The following NECTIN1 variants were observed in gnomAD, a reference collection of about 807,000 sequenced individuals.
The protein encoded by NECTIN1 is nectin cell adhesion molecule 1.
In NECTIN1, 23 loss-of-function variants were observed where a neutral mutation model predicts 48.0. That is an observed-to-expected ratio of 0.48 (90% CI 0.34 to 0.68). The LOEUF is 0.68. NECTIN1 is among the 30% of genes least tolerant of loss of function. The pLI is 0.01. For missense variants in NECTIN1, 591 were observed against 709.9 expected, an observed-to-expected ratio of 0.83 and a Z score of 1.90; for synonymous variants, 270 against 288.9, an observed-to-expected ratio of 0.93 and a Z score of 0.66.
rs1207540661 is a variant in NECTIN1 at position 119,662,772 on chromosome 11, C to A, written c.*1975G>T. On this transcript the variant is annotated 3_prime_UTR_variant, in exon 6 of 6. Transcript: ENST00000264025. The surrounding 1 kb of genome is among the most constrained non-coding windows in gnomAD (Gnocchi z 5.3). ...GAAAAGCAGCCCAGCTCCTCCACCT[C>A]CCTCTGCCCTGTGGCTGGAAAGACT... The A allele has an allele frequency of 5.1e-6, 5 of 986,554 alleles. No individual in the cohort carries two copies. The highest frequency in any genetic ancestry group is 6.0e-6 in the Non-Finnish European group (5 of 830,532). 61.1% of individuals were successfully genotyped at this position (986,554 alleles called of 1,614,324 possible).
intron 5 of NECTIN1, among the ~76,000 whole-genome samples, chr11:119,650,369 A>G (rs1302035914): frequency 6.6e-6 from 1 of 152,194 alleles, no homozygotes; most frequent in Non-Finnish European, 1.5e-5. Context: ...CTGTTCTACA[A>G]AATCATCTTC....
chr11:119,701,648 G>A (rs1201186603), intron 1 of NECTIN1, among the ~76,000 whole-genome samples: 1 of 152,116 alleles, frequency 6.6e-6, no homozygotes, highest in East Asian at 1.9e-4. Flanking sequence ...TGGCTCTAGG[G>A]GGCATCTGGA....
intron 1 of NECTIN1, among the ~76,000 whole-genome samples, chr11:119,705,044 C>G (rs560649076): frequency 1.3e-5 from 2 of 150,978 alleles, no homozygotes; most frequent in South Asian, 4.2e-4. Context: ...TGTGTAGATG[C>G]CATAAAGCTC....
Position 119,662,049 on chromosome 11 carries a change from G to T in NECTIN1, c.*2698C>A, listed in dbSNP as rs977916458. The T allele has an allele frequency of 6.3e-5, 62 of 985,232 alleles. No homozygotes were observed. The highest frequency in any genetic ancestry group is 7.4e-5 in the Non-Finnish European group (61 of 829,868). The allele number at this position is 985,232 out of a possible 1,614,324, so 61.0% of individuals were successfully genotyped here. On this transcript the variant is annotated 3_prime_UTR_variant, in exon 6 of 6. Transcript: ENST00000264025. This position sits in a 1 kb window ranked among gnomAD's most constrained non-coding sequence, Gnocchi z 5.3. ...TATCAAAATCTGTAAGGAAACAGGG[G>T]CATGGGTGTGGGGTGGGGGGCAAGG...
At chr11:119,707,066 G>A (rs1591479727) in intron 1 of NECTIN1, among the ~76,000 whole-genome samples, 1 of 152,214 alleles carries the variant, frequency 6.6e-6, no homozygotes, top group African/African-American at 2.4e-5. Context: ...GGCAAGGGAA[G>A]TAGGCCCACT....
intron 1 of NECTIN1, 67 bp downstream of exon 1, chr11:119,728,408 C>A: frequency 1.4e-6 from 2 of 1,456,642 alleles, no homozygotes; most frequent in Non-Finnish European, 9.4e-7. Flanking sequence ...GTCGTGCCCG[C>A]CATCCGGCTC....
At chr11:119,651,789 C>T (rs879595278) in intron 5 of NECTIN1, among the ~76,000 whole-genome samples, 1 of 152,170 alleles carries the variant, frequency 6.6e-6, no homozygotes, top group Non-Finnish European at 1.5e-5. Context: ...TGATTCATCA[C>T]TGTCAGGGCT....
At chr11:119,638,688 C>T (rs1317983984) in intron 7 of NECTIN1, 1 of 1,562,556 alleles carries the variant, frequency 6.4e-7, no homozygotes, top group East Asian at 2.3e-5. Flanking sequence ...TTTTCTCCCT[C>T]CCCGCAGTCC....
In NECTIN1 at chr11:119,728,000, G is replaced by T. The variant is rs1304340726; in HGVS notation, c.79+475C>A. 6.6e-6 allele frequency among the ~76,000 whole-genome samples: 1 copy of T among 152,120 alleles called. No homozygotes were observed. Among genetic ancestry groups the T allele is most frequent in the African/African-American group, 2.4e-5 (1 of 41,428 alleles). On this transcript the variant is annotated intron_variant, in intron 1 of 5. Transcript: ENST00000264025. The surrounding 1 kb of genome is among the most constrained non-coding windows in gnomAD (Gnocchi z 4.1). ...GGAGGGGGCCCGAGCGTCCTGAGCC[G>T]TCTGGCAAAGGGGCCGCCGAAAGAG...
At chr11:119,682,131 T>G (rs1013805839) in intron 1 of NECTIN1, among the ~76,000 whole-genome samples, 5 of 152,170 alleles carry the variant, frequency 3.3e-5, no homozygotes, top group Admixed American at 3.3e-4. Flanking sequence ...GTCCAAGGAC[T>G]CAGGGTTGGG....
Position 119,661,390 on chromosome 11 carries a change from C to G in NECTIN1, c.*3357G>C. Reference sequence around the variant, plus strand: ...AGCAGCAGAGGGGCCTGCCTCCTGGCATCCCCGGTACTGGGCAGTGTGTGA... The same window carrying G: ...AGCAGCAGAGGGGCCTGCCTCCTGGGATCCCCGGTACTGGGCAGTGTGTGA... On this transcript the variant is annotated 3_prime_UTR_variant, in exon 6 of 6. Coordinates refer to ENST00000264025, the MANE Select transcript of NECTIN1 (RefSeq NM_002855.5). 1 of 986,364 alleles carries G rather than the reference C, an allele frequency of 1.0e-6. No individual in the cohort carries two copies. Among genetic ancestry groups the G allele is most frequent in the Non-Finnish European group, 1.2e-6 (1 of 830,362 alleles). The allele number at this position is 986,364 out of a possible 1,614,324, so 61.1% of individuals were successfully genotyped here.
chr11:119,674,990 T>C (rs1396628472), intron 5 of NECTIN1, among the ~76,000 whole-genome samples, 169 bp downstream of exon 5: 1 of 151,930 alleles, frequency 6.6e-6, no homozygotes, highest in Non-Finnish European at 1.5e-5. Context: ...CACCCTTTAA[T>C]GAAAGAAAGA....
chr11:119,697,713 G>A (rs1022405161), intron 1 of NECTIN1, among the ~76,000 whole-genome samples: 7 of 152,204 alleles, frequency 4.6e-5, no homozygotes, highest in African/African-American at 1.2e-4. Context: ...TCCAGAACCC[G>A]AACCTGAGTC....
downstream of NECTIN1, chr11:119,659,076 G>A (rs1475873399): frequency 6.6e-6 from 1 of 152,204 alleles, no homozygotes; most frequent in Non-Finnish European, 1.5e-5. Flanking sequence ...TGTCGCTTCA[G>A]ATCCTCCCAA....
At chr11:119,666,821 C>T (rs1341199541) in intron 5 of NECTIN1, among the ~76,000 whole-genome samples, 1 of 152,194 alleles carries the variant, frequency 6.6e-6, no homozygotes, top group South Asian at 2.1e-4. Context: ...TGCTATCCCA[C>T]TCGGCAGGCT....
intron 5 of NECTIN1, chr11:119,640,518 C>T (rs370502387): frequency 2.2e-5 from 4 of 185,854 alleles, no homozygotes; most frequent in South Asian, 1.2e-4. Context: ...GGGTGCCTCC[C>T]GGGAAACCAA....
At position 119,677,131 on chromosome 11, in the gene NECTIN1, G is replaced by T. The variant is rs1310228081; in HGVS notation, c.822C>A (p.Asn274Lys). 4 of 1,614,036 alleles carry T rather than the reference G, an allele frequency of 2.5e-6. No homozygotes were observed. The highest frequency in any genetic ancestry group is 3.4e-6 in the Non-Finnish European group (4 of 1,180,030). ...TCCAGTGGTACTCAGTGGCTGGGGGGTTAGCATCAGCTTTGCAGGTGAGCT... is the reference window on the plus strand; with the variant it reads ...TCCAGTGGTACTCAGTGGCTGGGGGTTTAGCATCAGCTTTGCAGGTGAGCT... ...DVKLTCKADA[N>K]PPATEYHWTT... The change falls in exon 4 of 6, where the codon AAC becomes AAA. Residue 274 changes from asparagine to lysine, a missense_variant. Physicochemically the swap from Asn to Lys is moderately conservative, Grantham distance 94. Coordinates refer to ENST00000264025, the MANE Select transcript of NECTIN1 (RefSeq NM_002855.5). This position sits in a 1 kb window ranked among gnomAD's most constrained non-coding sequence, Gnocchi z 5.4.
chr11:119,704,156 C>T (rs564858003), intron 1 of NECTIN1, among the ~76,000 whole-genome samples: 9 of 152,120 alleles, frequency 5.9e-5, no homozygotes, highest in African/African-American at 1.9e-4. Context: ...TTCCTGCACA[C>T]GAACCTGCGG....
intron 1 of NECTIN1, among the ~76,000 whole-genome samples, chr11:119,681,954 G>A (rs1389153640): frequency 6.6e-6 from 1 of 152,176 alleles, no homozygotes; most frequent in Non-Finnish European, 1.5e-5. Flanking sequence ...GTGAGCATAA[G>A]GGAGCTCTTG....
Sources: gnomAD v4.1 joint callset for allele counts (sites outside exome capture counted in the v4.1 genomes callset) on GRCh38, gnomAD v4.1.1 for gene constraint, Gnocchi (gnomAD v3.1) non-coding constraint, MANE v1.5 for transcripts, NCBI Gene and HGNC (gene_info 2026-07-23, HGNC 2026-07-21) for gene names.